Variants in RASSF8 observed in about 807,000 individuals in gnomAD.
The protein encoded by RASSF8 is Ras association domain family member 8.
RASSF8 carries 22 observed loss-of-function variants against 48.5 expected under a neutral mutation model. The ratio of observed to expected loss-of-function variants is 0.45; its 90% CI spans 0.32 to 0.65. The LOEUF (loss-of-function observed/expected upper bound fraction) is 0.65. Ranked by LOEUF, RASSF8 falls within the 30% of genes least tolerant of loss-of-function variation. RASSF8 has a pLI of 0.03. For synonymous variants in RASSF8, 127 were observed against 171.5 expected (o/e 0.74, Z 2.03); for missense variants, 418 against 489.2 (o/e 0.85, Z 1.37).
chr12:25,976,797 C>T (rs1292526933), intron 1 of RASSF8, among the ~76,000 whole-genome samples: 3 of 152,150 alleles, frequency 2.0e-5, no homozygotes, highest in East Asian at 1.9e-4. Flanking sequence ...GACCCTCTAC[C>T]GGTGACATGA....
intron 3 of RASSF8, among the ~76,000 whole-genome samples, chr12:26,064,080 T>A (rs1943808670): frequency 6.6e-6 from 1 of 152,176 alleles, no homozygotes; most frequent in Admixed American, 6.5e-5. Flanking sequence ...GGAAATGTAT[T>A]TGAGTTTTGA....
chr12:26,009,677 A>C (rs2137016129), intron 2 of RASSF8, among the ~76,000 whole-genome samples: 1 of 152,350 alleles, frequency 6.6e-6, no homozygotes, highest in East Asian at 1.9e-4. Context: ...AGGAAAACCA[A>C]GAAAGTGCTG....
chr12:25,973,041 A>G (rs1036858293), intron 1 of RASSF8, among the ~76,000 whole-genome samples: 9 of 151,828 alleles, frequency 5.9e-5, no homozygotes, highest in South Asian at 2.1e-4. Flanking sequence ...TTTTTTATGG[A>G]TGACTTTTTT....
At position 26,069,353 on chromosome 12, in the gene RASSF8, T is replaced by G. The variant is rs1591822518; in HGVS notation, c.*535T>G. ...AGGGTGCTCCACCATCGAAGCTAAC[T>G]CCACAGGAAGCCACTTGCATTTGTT... On this transcript the variant is annotated 3_prime_UTR_variant, in exon 6 of 6. Coordinates refer to ENST00000689635, the MANE Select transcript of RASSF8 (RefSeq NM_001394098.1). 2 of 985,050 alleles carry G rather than the reference T, an allele frequency of 2.0e-6. No homozygotes were observed. The highest frequency in any genetic ancestry group is 3.5e-5 in the African/African-American group (2 of 57,348). The allele number at this position is 985,050 out of a possible 1,614,324, so 61.0% of individuals were successfully genotyped here.
At chr12:26,013,553 G>T (rs989658625) in intron 2 of RASSF8, among the ~76,000 whole-genome samples, 1 of 152,042 alleles carries the variant, frequency 6.6e-6, no homozygotes, top group Non-Finnish European at 1.5e-5. Flanking sequence ...TAGTAGCCAG[G>T]CCTCTTCATT....
Position 26,064,870 on chromosome 12 carries a change from G to T in RASSF8, c.476G>T (p.Cys159Phe), listed in dbSNP as rs1943832470. ...TEFKQKVLNN[C>F]KTTADELKKL... ...TTTAAGCAAAAGGTGCTGAATAACT[G>T]CAAAACAACAGCAGATGAGTTGAAG... is the stretch of plus-strand genomic sequence containing the variant. The change falls in exon 4 of 6, where the codon TGC becomes TTC. Residue 159 changes from cysteine (C) to phenylalanine (F), a missense_variant. By Grantham distance (205) the Cys-to-Phe change is radical. Coordinates refer to ENST00000689635, the MANE Select transcript of RASSF8 (RefSeq NM_001394098.1). The T allele has an allele frequency of 5.0e-6, 8 of 1,614,196 alleles. No homozygotes were observed. The highest frequency in any genetic ancestry group is 1.1e-5 in the South Asian group (1 of 91,072).
chr12:26,058,448 G>GTATA (rs1943658938), intron 3 of RASSF8, among the ~76,000 whole-genome samples: 1 of 152,238 alleles, frequency 6.6e-6, no homozygotes, highest in African/African-American at 2.4e-5. Context: ...TGTCAAGAAT[G>GTATA]TATAGTGAAG....
At chr12:25,987,661 A>G (rs1307477795) in intron 1 of RASSF8, among the ~76,000 whole-genome samples, 3 of 152,208 alleles carry the variant, frequency 2.0e-5, no homozygotes, top group African/African-American at 4.8e-5. Context: ...AATTTAGGAA[A>G]TTAAATAGTT....
chr12:26,070,866 A>C lies in RASSF8; in HGVS notation c.*2048A>C. ...GAGATGCCTTGGCATACCACGAAAA[A>C]CACTGTCAATATCCAACTCATTATA... On this transcript the variant is annotated 3_prime_UTR_variant, in exon 6 of 6. Transcript: ENST00000689635. 5.1e-6 allele frequency: 5 copies of C among 984,756 alleles called. No individual in the cohort carries two copies. Among genetic ancestry groups the C allele is most frequent in the Non-Finnish European group, 6.0e-6 (5 of 829,328 alleles). 61.0% of individuals were successfully genotyped at this position (984,756 alleles called of 1,614,324 possible). A position where few individuals can be genotyped will look rare whatever the true frequency, so the allele number is the denominator to read the frequency against.
Position 26,069,344 on chromosome 12 carries a change from G to A in RASSF8, c.*526G>A, listed in dbSNP as rs903429550. 12 of 984,738 alleles carry A rather than the reference G, an allele frequency of 1.2e-5. No homozygotes were observed. Among genetic ancestry groups the A allele is most frequent in the Non-Finnish European group, 1.4e-5 (12 of 829,478 alleles). 61.0% of individuals were successfully genotyped at this position (984,738 alleles called of 1,614,324 possible). A position where few individuals can be genotyped will look rare whatever the true frequency, so the allele number is the denominator to read the frequency against. ...AAGTGTCCTAGGGTGCTCCACCATCGAAGCTAACTCCACAGGAAGCCACTT... is the reference window on the plus strand; with the variant it reads ...AAGTGTCCTAGGGTGCTCCACCATCAAAGCTAACTCCACAGGAAGCCACTT... On this transcript the variant is annotated 3_prime_UTR_variant, in exon 6 of 6. Transcript: ENST00000689635.
At chr12:25,994,636 T>A (rs1592244060) in intron 1 of RASSF8, among the ~76,000 whole-genome samples, 1 of 152,210 alleles carries the variant, frequency 6.6e-6, no homozygotes, top group East Asian at 1.9e-4. Context: ...TCAACTTCAG[T>A]TTTAGCCCTG....
intron 2 of RASSF8, among the ~76,000 whole-genome samples, chr12:25,997,270 A>T (rs1942154873): frequency 6.6e-6 from 1 of 152,090 alleles, no homozygotes; most frequent in Admixed American, 6.5e-5. Context: ...CCTTTCTAGT[A>T]CCTTCCCATA....
chr12:26,044,133 G>A (rs925979442), intron 2 of RASSF8, among the ~76,000 whole-genome samples: 2 of 152,122 alleles, frequency 1.3e-5, no homozygotes, highest in East Asian at 3.8e-4. Flanking sequence ...AGTCACTATT[G>A]CCATGCTGCT....
chr12:26,071,159 C>T lies in RASSF8; in HGVS notation c.*2341C>T. ...TTATATTACTTCTGGAAGCACATAT[C>T]TAAGGAATATTTTCTAAGACTCAGA... On this transcript the variant is annotated 3_prime_UTR_variant, in exon 6 of 6. Coordinates refer to ENST00000689635, the MANE Select transcript of RASSF8 (RefSeq NM_001394098.1). 3 of 973,744 alleles carry T rather than the reference C, an allele frequency of 3.1e-6. No individual in the cohort carries two copies. Among genetic ancestry groups the T allele is most frequent in the Non-Finnish European group, 3.7e-6 (3 of 819,380 alleles). 60.3% of individuals were successfully genotyped at this position (973,744 alleles called of 1,614,324 possible).
In RASSF8 at chr12:25,962,714, A is replaced by G. The variant is rs145233921; in HGVS notation, c.-203+3566A>G. On this transcript the variant is annotated intron_variant, in intron 1 of 5. Coordinates refer to ENST00000689635, the MANE Select transcript of RASSF8 (RefSeq NM_001394098.1). ...GCTGGGACTACAGGTGTGTGCCACCATGCCTGGCTTCTGTATTTGTATCTT... is the reference window on the plus strand; with the variant it reads ...GCTGGGACTACAGGTGTGTGCCACCGTGCCTGGCTTCTGTATTTGTATCTT... 1.6e-3 allele frequency among the ~76,000 whole-genome samples: 242 copies of G among 152,200 alleles called. 1 individual carries two copies. The highest frequency in any genetic ancestry group is 5.5e-3 in the African/African-American group (227 of 41,528).
chr12:25,998,182 A>ATGGCATT (rs1161495952), intron 2 of RASSF8, among the ~76,000 whole-genome samples: 1 of 152,158 alleles, frequency 6.6e-6, no homozygotes, highest in Non-Finnish European at 1.5e-5. Flanking sequence ...TTTTTATTTG[A>ATGGCATT]TGGCATTTTG....
intron 3 of RASSF8, among the ~76,000 whole-genome samples, chr12:26,061,749 C>T (rs888488166): frequency 3.9e-5 from 6 of 151,932 alleles, no homozygotes; most frequent in African/African-American, 1.2e-4. Flanking sequence ...TTAAAAACAG[C>T]GATTGTGGAA....
chr12:25,982,969 A>G (rs1205734266), intron 1 of RASSF8, among the ~76,000 whole-genome samples: 1 of 152,226 alleles, frequency 6.6e-6, no homozygotes, highest in Non-Finnish European at 1.5e-5. Flanking sequence ...ATAGTAGCAC[A>G]AGGCAGAAGC....
intron 3 of RASSF8, 22 bp from the exon 4 acceptor site, chr12:26,064,476 T>TATCCC: frequency 6.7e-7 from 1 of 1,502,972 alleles, no homozygotes. Context: ...TTTGACAAGT[T>TATCCC]ATTCTTACCT....
Sources: gnomAD v4.1 joint callset for allele counts (sites outside exome capture counted in the v4.1 genomes callset) on GRCh38, gnomAD v4.1.1 for gene constraint, MANE v1.5 for transcripts, NCBI Gene and HGNC (gene_info 2026-07-23, HGNC 2026-07-21) for gene names.